KLF8: variants seen among roughly 807,000 people sequenced by gnomAD.
KLF8 encodes Krueppel-like factor 8.
Under a neutral mutation model 18.2 loss-of-function variants are expected in KLF8, and 10 were observed. That is an observed-to-expected ratio of 0.55 (90% confidence interval 0.34 to 0.93). KLF8 has a LOEUF of 0.93. Among genes scored for constraint, KLF8 ranks in the 40% least tolerant of loss-of-function variants. The pLI, the probability that KLF8 is intolerant of heterozygous loss-of-function variation, is 0.02. For missense variants in KLF8, 264 were observed against 277.9 expected (o/e 0.95, Z 0.36); for synonymous variants, 109 against 97.3 (o/e 1.12, Z -0.71).
At chrX:56,034,273 T>G in the KLF8 span, among the ~76,000 whole-genome samples, 13,063 of 111,975 alleles carry the variant, frequency 0.12, 1,306 homozygotes, top group African/African-American at 0.33. Flanking sequence ...AAAAAGACTG[T>G]CCTTTTCCCA....
At chrX:56,204,901 G>A in the KLF8 span, among the ~76,000 whole-genome samples, 1 of 110,381 alleles carries the variant, frequency 9.1e-6, no homozygotes, top group Non-Finnish European at 1.9e-5. Flanking sequence ...TGGGGTGGGG[G>A]GAGAGTATGT....
At chrX:55,977,518 A>T in the KLF8 span, among the ~76,000 whole-genome samples, 1 of 108,316 alleles carries the variant, frequency 9.2e-6, no homozygotes, top group Admixed American at 1.0e-4. Flanking sequence ...TGTGTGCTCC[A>T]CAAAAGTGCT....
At chrX:56,060,003 A>G in the KLF8 span, among the ~76,000 whole-genome samples, 3 of 111,298 alleles carry the variant, frequency 2.7e-5, no homozygotes, top group Non-Finnish European at 3.8e-5. Context: ...TGATTTTCCA[A>G]TTGTTTGTGT....
At chrX:56,125,700 T>C in the KLF8 span, among the ~76,000 whole-genome samples, 2 of 112,406 alleles carry the variant, frequency 1.8e-5, no homozygotes, top group Non-Finnish European at 1.9e-5. Flanking sequence ...GGAGGAAATA[T>C]ACTGTAACAG....
the KLF8 span, among the ~76,000 whole-genome samples, chrX:56,104,322 G>A: frequency 1.8e-5 from 2 of 111,152 alleles, no homozygotes; most frequent in Non-Finnish European, 3.8e-5. Context: ...GGTAGAATTC[G>A]GTTGTGAATC....
At chrX:56,227,482 C>A (rs1380936409), upstream of KLF8, among the ~76,000 whole-genome samples, 1 of 110,130 alleles carries the variant, frequency 9.1e-6, no homozygotes, top group Non-Finnish European at 1.9e-5. Context: ...GTAGCTGGGA[C>A]TACAGGTGTG....
the KLF8 span, among the ~76,000 whole-genome samples, chrX:56,129,669 G>A: frequency 2.7e-5 from 3 of 111,229 alleles, no homozygotes; most frequent in Non-Finnish European, 3.8e-5. Flanking sequence ...GAAGTCTCCC[G>A]GCCAAAACTC....
At chrX:56,215,900 AT>A in the KLF8 span, among the ~76,000 whole-genome samples, 1 of 104,240 alleles carries the variant, frequency 9.6e-6, no homozygotes, top group African/African-American at 3.6e-5. Flanking sequence ...CACATATCCA[AT>A]TGTTTACTTG....
chrX:56,076,875 A>G, the KLF8 span, among the ~76,000 whole-genome samples: 46 of 111,967 alleles, frequency 4.1e-4, no homozygotes, highest in African/African-American at 1.5e-3. Flanking sequence ...TTTGATTTGC[A>G]TTTCTCTGAT....
intron 2 of KLF8, among the ~76,000 whole-genome samples, chrX:56,257,419 G>A (rs1283265121): frequency 1.8e-5 from 2 of 111,923 alleles, no homozygotes; most frequent in Non-Finnish European, 3.8e-5. Context: ...TTACATGGGT[G>A]TATTGTGTGA....
rs982672362 is a variant in KLF8, at chrX:56,286,739, G to T, written c.*2245G>T. The stretch of plus-strand genomic sequence containing the variant: ...CCTGTAGTTTTCAAAATGACATGTG[G>T]GTTTTTACTGTTATCATTGTTATTT... On this transcript the variant is annotated 3_prime_UTR_variant, in exon 6 of 6. Transcript: ENST00000468660. 2 of 111,788 alleles carry T rather than the reference G, an allele frequency of 1.8e-5. No homozygotes were observed. Among genetic ancestry groups the T allele is most frequent in the African/African-American group, 6.5e-5 (2 of 30,741 alleles). The allele number at this position is 111,788 out of a possible 1,213,427, so 9.2% of individuals were successfully genotyped here.
chrX:56,031,258 A>G, the KLF8 span, among the ~76,000 whole-genome samples: 1 of 112,013 alleles, frequency 8.9e-6, no homozygotes, highest in African/African-American at 3.3e-5. Flanking sequence ...GAGGGCACAC[A>G]CACACCTTTA....
the KLF8 span, among the ~76,000 whole-genome samples, chrX:56,123,167 T>G: frequency 9.1e-6 from 1 of 109,868 alleles, no homozygotes; most frequent in South Asian, 3.9e-4. Context: ...ATTTTTTCTC[T>G]GTGTTACTTA....
the KLF8 span, among the ~76,000 whole-genome samples, chrX:56,048,639 G>C: frequency 9.0e-6 from 1 of 111,601 alleles, no homozygotes; most frequent in African/African-American, 3.3e-5. Context: ...CTCTGTTTTG[G>C]TACCAGTACC....
At chrX:56,092,882 CT>C in the KLF8 span, among the ~76,000 whole-genome samples, 2 of 108,981 alleles carry the variant, frequency 1.8e-5, no homozygotes, top group African/African-American at 6.6e-5. Context: ...AAATTAAAAC[CT>C]CTCCAGCAGA....
At chrX:56,131,270 A>T in the KLF8 span, among the ~76,000 whole-genome samples, 1 of 112,235 alleles carries the variant, frequency 8.9e-6, no homozygotes, top group Non-Finnish European at 1.9e-5. Context: ...AAAGAAACCT[A>T]TCAGATTAAT....
chrX:56,060,935 T>A, the KLF8 span, among the ~76,000 whole-genome samples: 2 of 111,987 alleles, frequency 1.8e-5, no homozygotes, highest in African/African-American at 3.2e-5. Flanking sequence ...TGTGTATGTG[T>A]CCAGAAATTT....
At chrX:56,262,668 T>C (rs184735206) in intron 2 of KLF8, among the ~76,000 whole-genome samples, 25 of 110,968 alleles carry the variant, frequency 2.3e-4, no homozygotes, top group Non-Finnish European at 3.6e-4. Flanking sequence ...TTATTATTAT[T>C]ATTATTATTT....
chrX:56,193,775 G>T, the KLF8 span, among the ~76,000 whole-genome samples: 1 of 111,444 alleles, frequency 9.0e-6, no homozygotes, highest in Non-Finnish European at 1.9e-5. Context: ...TGAAGCAGTT[G>T]AACTCATGGG....
Sources: allele counts gnomAD v4.1 joint callset (sites outside exome capture counted in the v4.1 genomes callset), GRCh38; gene constraint gnomAD v4.1.1; transcripts MANE v1.5; gene names NCBI Gene and HGNC (gene_info 2026-07-23, HGNC 2026-07-21).